The following MPRIP variants were observed in gnomAD, a reference collection of about 807,000 sequenced individuals.
MPRIP encodes myosin phosphatase Rho interacting protein.
A neutral mutation model predicts 234.9 loss-of-function variants in MPRIP; 59 were observed. That is an observed-to-expected ratio of 0.25 (90% confidence interval 0.20 to 0.31). The LOEUF (loss-of-function observed/expected upper bound fraction) is 0.31. Among genes scored for constraint, MPRIP ranks in the 10% least tolerant of loss-of-function variants. The pLI is 1.00. For synonymous variants in MPRIP, 1,144 were observed against 1,263.9 expected, an observed-to-expected ratio of 0.91 and a Z score of 2.01; for missense variants, 2,436 against 3,071.0, an observed-to-expected ratio of 0.79 and a Z score of 4.89.
chr17:17,183,077 C>G (rs187974674), intron 23 of MPRIP: 8 of 152,452 alleles, frequency 5.2e-5, no homozygotes, highest in African/African-American at 1.9e-4. Context: ...TGAGGTACAT[C>G]TGGGCTCAGA....
intron 15 of MPRIP, among the ~76,000 whole-genome samples, chr17:17,162,761 T>C (rs894504398): frequency 5.9e-5 from 9 of 152,218 alleles, no homozygotes; most frequent in Non-Finnish European, 1.3e-4. Flanking sequence ...ACGCTGACAT[T>C]ATGCTGAAAG....
intron 7 of MPRIP, among the ~76,000 whole-genome samples, chr17:17,140,848 G>C (rs1304774366): frequency 2.0e-5 from 3 of 152,158 alleles, no homozygotes; most frequent in Non-Finnish European, 4.4e-5. Flanking sequence ...TAACCCCCCT[G>C]CCCTCAGCAC....
At chr17:17,089,119 C>T (rs1480409903) in intron 3 of MPRIP, among the ~76,000 whole-genome samples, 1 of 152,238 alleles carries the variant, frequency 6.6e-6, no homozygotes, top group Non-Finnish European at 1.5e-5. Flanking sequence ...AGTCACAGCA[C>T]ACAACATGGC....
chr17:17,180,717 G>A, intron 23 of MPRIP: 1 of 1,507,994 alleles, frequency 6.6e-7, no homozygotes, highest in Non-Finnish European at 9.2e-7. Flanking sequence ...CACCCCCATG[G>A]CAAACGCCTG....
At chr17:17,073,506 C>G (rs1397834735) in intron 1 of MPRIP, among the ~76,000 whole-genome samples, 1 of 152,226 alleles carries the variant, frequency 6.6e-6, no homozygotes. Flanking sequence ...ACCCCAAGCC[C>G]TGCCTCCAGA....
At chr17:17,160,960 G>A (rs574571229) in intron 14 of MPRIP, among the ~76,000 whole-genome samples, 1 of 152,360 alleles carries the variant, frequency 6.6e-6, no homozygotes, top group Admixed American at 6.5e-5. Context: ...TTGAGCAGGT[G>A]TGGGAAGTAT....
intron 1 of MPRIP, among the ~76,000 whole-genome samples, chr17:17,053,459 G>C (rs1217477072): frequency 2.6e-5 from 4 of 152,164 alleles, no homozygotes; most frequent in Non-Finnish European, 5.9e-5. Context: ...TGGGTGCTTA[G>C]TAAATGGGGT....
chr17:17,093,279 A>G (rs2089762493), intron 3 of MPRIP, among the ~76,000 whole-genome samples: 1 of 152,238 alleles, frequency 6.6e-6, no homozygotes, highest in Non-Finnish European at 1.5e-5. Context: ...ACTCTCCTGC[A>G]TTGGATGCCC....
intron 3 of MPRIP, among the ~76,000 whole-genome samples, chr17:17,109,426 A>C (rs2090125630): frequency 6.6e-6 from 1 of 152,246 alleles, no homozygotes; most frequent in Non-Finnish European, 1.5e-5. Flanking sequence ...ACAGTTAAGT[A>C]AATGGACGGC....
intron 3 of MPRIP, among the ~76,000 whole-genome samples, chr17:17,081,407 C>G (rs530294192): frequency 6.6e-6 from 1 of 152,322 alleles, no homozygotes; most frequent in South Asian, 2.1e-4. Context: ...GCTTGAAAAC[C>G]TTAAGACAGG....
intron 3 of MPRIP, among the ~76,000 whole-genome samples, chr17:17,105,303 C>A (rs1001639086): frequency 2.6e-5 from 4 of 152,188 alleles, no homozygotes; most frequent in African/African-American, 9.6e-5. Flanking sequence ...CCCCAGGCAG[C>A]CCCTGTTGCT....
intron 4 of MPRIP, among the ~76,000 whole-genome samples, chr17:17,130,511 G>A (rs2094603091): frequency 6.6e-6 from 1 of 150,846 alleles, no homozygotes; most frequent in Non-Finnish European, 1.5e-5. Context: ...CCCTTCTCCT[G>A]CCCCAGGCTC....
At position 17,165,289 on chromosome 17, in the gene MPRIP, C is replaced by T. The variant is rs577219679; in HGVS notation, c.3698C>T (p.Thr1233Ile). ...AAGGACATGGAAGAGCCACGGAGTA[C>T]CCCTGAAGAGACAGAAAGGGATGGC... ...SPKDMEEPRS[T>I]PEETERDGTL... Residue 1233 changes from threonine to isoleucine, a missense_variant, in exon 16 of 24, where the codon ACC becomes ATC. Thr to Ile is a moderately conservative substitution (Grantham distance 89). This residue lies in a region of MPRIP where 1,998 missense variants were observed against 2,520.3 expected (regional missense o/e 0.79). Transcript: ENST00000651222. The T allele has an allele frequency of 4.5e-5, 59 of 1,304,048 alleles. No individual in the cohort carries two copies. The African/African-American group carries it at 7.9e-4, about 17-fold the overall frequency. 80.8% of individuals were successfully genotyped at this position (1,304,048 alleles called of 1,614,324 possible).
At chr17:17,067,532 A>G (rs2089071025) in intron 1 of MPRIP, among the ~76,000 whole-genome samples, 1 of 152,256 alleles carries the variant, frequency 6.6e-6, no homozygotes, top group Non-Finnish European at 1.5e-5. Context: ...CATGCAGTTT[A>G]AAACCTGTAA....
chr17:17,061,691 T>C (rs776871935), intron 1 of MPRIP, among the ~76,000 whole-genome samples: 1 of 152,150 alleles, frequency 6.6e-6, no homozygotes, highest in East Asian at 1.9e-4. Flanking sequence ...TGAAGAACTT[T>C]CCTGGGGATG....
At position 17,158,455 on chromosome 17, in the gene MPRIP, A is replaced by C. The variant is rs752610019; in HGVS notation, c.1853A>C (p.Lys618Thr). 1 of 1,577,538 alleles carries C rather than the reference A, an allele frequency of 6.3e-7. No individual in the cohort carries two copies. The highest frequency in any genetic ancestry group is 8.6e-7 in the Non-Finnish European group (1 of 1,162,490). ...VTSSLPEEKN[K>T]SSCSFETCPR... The stretch of plus-strand genomic sequence containing the variant: ...AGCTCGTTGCCAGAGGAAAAAAACA[A>C]GAGCAGCTGCTCTTTTGAGACCTGC... Residue 618 changes from lysine (K) to threonine (T), a missense_variant, in exon 14 of 24, where the codon AAG becomes ACG. Lys to Thr is a moderately conservative substitution (Grantham distance 78, BLOSUM62 -1). This residue lies in a region of MPRIP where 1,998 missense variants were observed against 2,520.3 expected (regional missense o/e 0.79). Transcript: ENST00000651222.
intron 3 of MPRIP, among the ~76,000 whole-genome samples, chr17:17,121,966 T>A (rs552170296): frequency 6.6e-6 from 1 of 152,338 alleles, no homozygotes; most frequent in East Asian, 1.9e-4. Context: ...TCCAGCTCCA[T>A]CCATGTCCCT....
intron 1 of MPRIP, among the ~76,000 whole-genome samples, chr17:17,052,514 C>T (rs2088572114): frequency 6.6e-6 from 1 of 152,122 alleles, no homozygotes; most frequent in African/African-American, 2.4e-5. Context: ...AGAGGTTCAG[C>T]GACCTGCCTA....
chr17:17,160,828 A>G (rs536592673), intron 14 of MPRIP, among the ~76,000 whole-genome samples: 1 of 152,282 alleles, frequency 6.6e-6, no homozygotes, highest in East Asian at 1.9e-4. Flanking sequence ...AAAGGACCCC[A>G]TGGGGTGCTT....
Sources: allele counts gnomAD v4.1 joint callset (sites outside exome capture counted in the v4.1 genomes callset), GRCh38; gene constraint gnomAD v4.1.1; regional missense constraint gnomAD v4.1.1; transcripts MANE v1.5; gene names NCBI Gene and HGNC (gene_info 2026-07-23, HGNC 2026-07-21).